CNTN1: variants seen among roughly 807,000 people sequenced by gnomAD.
CNTN1 encodes the protein contactin-1.
CNTN1 carries 38 observed loss-of-function variants against 126.4 expected under a neutral mutation model. That is an observed-to-expected ratio of 0.30 (90% CI 0.23 to 0.39). The LOEUF (loss-of-function observed/expected upper bound fraction) is 0.39, where lower values mean the gene tolerates loss of function less well. CNTN1 is among the 10% of genes least tolerant of loss of function. CNTN1 has a pLI of 1.00. For synonymous variants in CNTN1, 413 were observed against 422.6 expected (o/e 0.98, Z 0.28); for missense variants, 1,009 against 1,248.4 (o/e 0.81, Z 2.89).
chr12:41,068,784 A>G (rs1335331386), intron 23 of CNTN1, among the ~76,000 whole-genome samples: 1 of 152,196 alleles, frequency 6.6e-6, no homozygotes, highest in Non-Finnish European at 1.5e-5. Flanking sequence ...TTAGTAAGCC[A>G]TTGACTAAAT....
At chr12:40,871,545 A>G (rs1339415375) in intron 1 of CNTN1, among the ~76,000 whole-genome samples, 1 of 152,138 alleles carries the variant, frequency 6.6e-6, no homozygotes, top group East Asian at 1.9e-4. Context: ...ATATCAATGG[A>G]GAGAAGAAGG....
chr12:40,873,054 T>C (rs1943557905), intron 1 of CNTN1, among the ~76,000 whole-genome samples: 1 of 152,138 alleles, frequency 6.6e-6, no homozygotes, highest in Non-Finnish European at 1.5e-5. Flanking sequence ...CCCATGCTGC[T>C]GTCTACTCTC....
At chr12:40,789,832 G>T (rs1030329094) in intron 1 of CNTN1, among the ~76,000 whole-genome samples, 3 of 151,826 alleles carry the variant, frequency 2.0e-5, no homozygotes, top group African/African-American at 7.3e-5. Flanking sequence ...TTTTTCTATT[G>T]TTTAACTTAA....
intron 1 of CNTN1, among the ~76,000 whole-genome samples, chr12:40,817,347 T>C (rs1303045558): frequency 6.6e-6 from 1 of 152,204 alleles, no homozygotes; most frequent in Non-Finnish European, 1.5e-5. Context: ...TGGGTGCATA[T>C]ATATTCAGAA....
intron 1 of CNTN1, among the ~76,000 whole-genome samples, chr12:40,894,564 T>C (rs17128908): frequency 0.058 from 8,752 of 152,200 alleles, 509 homozygotes; most frequent in Admixed American, 0.16. Context: ...ATATAAAATA[T>C]GTCACAGAAA....
At chr12:40,771,457 T>C (rs1939332892) in intron 1 of CNTN1, among the ~76,000 whole-genome samples, 2 of 152,084 alleles carry the variant, frequency 1.3e-5, no homozygotes, top group Admixed American at 1.3e-4. Flanking sequence ...CTTGCAAATA[T>C]TCTGCTAGAT....
chr12:40,855,327 G>A (rs1359316663), intron 1 of CNTN1, among the ~76,000 whole-genome samples: 2 of 151,820 alleles, frequency 1.3e-5, no homozygotes, highest in African/African-American at 4.8e-5. Context: ...ATTGTCTGTT[G>A]TATTACTCTT....
At chr12:41,015,270 AAAT>A (rs1948754761) in intron 18 of CNTN1, among the ~76,000 whole-genome samples, 1 of 152,192 alleles carries the variant, frequency 6.6e-6, no homozygotes, top group Non-Finnish European at 1.5e-5. Context: ...CCAAAAATGC[AAAT>A]ATTATAAAAA....
chr12:40,784,586 G>A (rs1359671239), intron 1 of CNTN1, among the ~76,000 whole-genome samples: 1 of 152,104 alleles, frequency 6.6e-6, no homozygotes, highest in Non-Finnish European at 1.5e-5. Context: ...AAGATGAAGT[G>A]AAAGCAGGGA....
At chr12:40,901,194 T>G (rs1944590456) in intron 1 of CNTN1, among the ~76,000 whole-genome samples, 1 of 152,194 alleles carries the variant, frequency 6.6e-6, no homozygotes, top group African/African-American at 2.4e-5. Context: ...ACAGCCAGGG[T>G]TTGAATCCTT....
At chr12:40,950,225 G>A (rs10879401) in intron 14 of CNTN1, among the ~76,000 whole-genome samples, 96,357 of 151,138 alleles carry the variant, frequency 0.64, 30,767 homozygotes, top group Middle Eastern at 0.69. Flanking sequence ...CCAAATTATC[G>A]ATAGAACCAA....
rs188179597 is a variant in CNTN1 at position 40,816,841 on chromosome 12, T to A, written c.-76-91516T>A. 1.1e-3 allele frequency among the ~76,000 whole-genome samples: 161 copies of A among 152,330 alleles called. 3 individuals carry two copies. The highest frequency in any genetic ancestry group is 1.1e-3 in the Non-Finnish European group (73 of 68,026). The stretch of plus-strand genomic sequence containing the variant: ...GTGTCCCAGAGATTCTGGTACATTG[T>A]CTCTTTGTTCTCATTGGTTTCAAAT... On this transcript the variant is annotated intron_variant, in intron 1 of 23. Transcript: ENST00000551295.
At chr12:40,878,190 T>C (rs1943741093) in intron 1 of CNTN1, among the ~76,000 whole-genome samples, 1 of 151,238 alleles carries the variant, frequency 6.6e-6, no homozygotes, top group South Asian at 2.1e-4. Context: ...AGAGACAAAG[T>C]TTCTCCATGT....
At position 41,016,910 on chromosome 12, in the gene CNTN1, C is replaced by T; in HGVS notation, c.2413C>T (p.Gln805Ter). The change falls in exon 19 of 24, where the codon CAA becomes TAA. Residue 805 changes from glutamine to a stop codon, truncating the protein, a stop_gained. Coordinates refer to ENST00000551295, the MANE Select transcript of CNTN1 (RefSeq NM_001843.4). LOFTEE classifies it high-confidence loss of function. ...CCTAGTAGCAGTCATTAATTCAGCA[C>T]AAGACGGTAGGTGAAAGAAAGACCT... ...YSLVAVINSA[Q>*]DAPSEAPTEV... 1 of 1,613,124 alleles carries T rather than the reference C, an allele frequency of 6.2e-7. No homozygotes were observed. The highest frequency in any genetic ancestry group is 8.5e-7 in the Non-Finnish European group (1 of 1,179,100).
intron 15 of CNTN1, among the ~76,000 whole-genome samples, chr12:40,977,812 T>C (rs1482634989): frequency 9.6e-6 from 1 of 104,070 alleles, no homozygotes; most frequent in African/African-American, 3.4e-5. Context: ...TTTTGTTTTG[T>C]TTTGTTTTGA....
At chr12:40,962,458 A>G (rs1441944199) in intron 15 of CNTN1, among the ~76,000 whole-genome samples, 1 of 152,168 alleles carries the variant, frequency 6.6e-6, no homozygotes, top group Admixed American at 6.6e-5. Context: ...CTAAAATTAA[A>G]TGTAGGAAAA....
At chr12:40,791,698 T>C (rs1940226567) in intron 1 of CNTN1, among the ~76,000 whole-genome samples, 1 of 152,140 alleles carries the variant, frequency 6.6e-6, no homozygotes, top group South Asian at 2.1e-4. Context: ...TAATAAATAG[T>C]AGAAACTACA....
chr12:41,041,215 A>T (rs967296022), intron 23 of CNTN1, among the ~76,000 whole-genome samples: 2 of 152,200 alleles, frequency 1.3e-5, no homozygotes, highest in East Asian at 1.9e-4. Context: ...GCTGGATTAC[A>T]TTTACTGATT....
At chr12:40,862,341 C>T (rs777334804) in intron 1 of CNTN1, among the ~76,000 whole-genome samples, 14 of 152,152 alleles carry the variant, frequency 9.2e-5, no homozygotes, top group Non-Finnish European at 1.6e-4. Flanking sequence ...CTGTGCAGCC[C>T]AGTTTCTAAC....
Sources: gnomAD v4.1 joint callset for allele counts (sites outside exome capture counted in the v4.1 genomes callset) on GRCh38, gnomAD v4.1.1 for gene constraint, MANE v1.5 for transcripts, NCBI Gene and HGNC (gene_info 2026-07-23, HGNC 2026-07-21) for gene names.